Variants in CADM4 observed in about 807,000 individuals in gnomAD.
CADM4 encodes TSLC1-like 2.
CADM4 carries 13 observed loss-of-function variants against 43.9 expected under a neutral mutation model. The observed-to-expected ratio is 0.30, with a 90% confidence interval of 0.19 to 0.47. CADM4 has a LOEUF of 0.47. Ranked by LOEUF, CADM4 falls within the 20% of genes least tolerant of loss-of-function variation. The pLI is 1.00. For synonymous variants in CADM4, 209 were observed against 220.9 expected (o/e 0.95, Z 0.48); for missense variants, 420 against 527.0 (o/e 0.80, Z 1.99).
At position 43,625,053 on chromosome 19, in the gene CADM4, T is replaced by G; in HGVS notation, c.928+25A>C. On this transcript the variant is annotated intron_variant, in intron 7 of 8. Transcript: ENST00000222374. The surrounding 1 kb of genome is among the most constrained non-coding windows in gnomAD (Gnocchi z 4.5). The stretch of plus-strand genomic sequence containing the variant: ...GCCACCTGGCGCCCCGCCCCCGCCC[T>G]CAGTCGGCCGCAGCCTGCTCTCACC... 6 of 412,436 alleles carry G rather than the reference T, an allele frequency of 1.5e-5. No homozygotes were observed. Among genetic ancestry groups the G allele is most frequent in the Non-Finnish European group, 1.9e-5 (6 of 316,690 alleles). 25.5% of individuals were successfully genotyped at this position (412,436 alleles called of 1,614,324 possible).
At chr19:43,639,914 G>C, upstream of CADM4, 1 of 753,988 alleles carries the variant, frequency 1.3e-6, no homozygotes, top group Non-Finnish European at 1.6e-6. Context: ...AGGCCGGGGC[G>C]GGGCCGGGGA....
chr19:43,631,810 TGA>T (rs1405723271), intron 1 of CADM4, among the ~76,000 whole-genome samples: 5 of 152,204 alleles, frequency 3.3e-5, no homozygotes, highest in Non-Finnish European at 5.9e-5. Context: ...GGAAGGTGCC[TGA>T]GTCTCTGGTG....
intron 1 of CADM4, among the ~76,000 whole-genome samples, chr19:43,630,307 A>T (rs1330660617): frequency 5.2e-5 from 3 of 57,558 alleles, no homozygotes; most frequent in African/African-American, 8.4e-5. Context: ...TTTTTTTGAG[A>T]CATTGTCTTG....
At chr19:43,634,939 C>T (rs1973680081) in intron 1 of CADM4, among the ~76,000 whole-genome samples, 1 of 151,988 alleles carries the variant, frequency 6.6e-6, no homozygotes, top group South Asian at 2.1e-4. Flanking sequence ...GAAATCCAGA[C>T]CCCTAGCCCC....
chr19:43,626,784 C>A lies in CADM4; in HGVS notation c.499G>T (p.Gly167Ter). 6.3e-7 allele frequency: 1 copy of A among 1,582,200 alleles called. No individual in the cohort carries two copies. ...RWYRDRKELK[G>*]VSSSQENGKV... ...CTTGTCAGCACTCGGCCCAGGGTAC[C>A]TTTCAGCTCCTTGCGGTCCCGGTAC... Residue 167 changes from glycine (G) to a stop codon, truncating the protein, a stop_gained and splice_region_variant, in exon 4 of 9, where the codon GGA becomes TGA. Coordinates refer to ENST00000222374, the MANE Select transcript of CADM4 (RefSeq NM_145296.2). LOFTEE classifies it high-confidence loss of function. The surrounding 1 kb of genome is among the most constrained non-coding windows in gnomAD (Gnocchi z 5.9).
chr19:43,641,508 T>A (rs1004172646), upstream of CADM4, among the ~76,000 whole-genome samples: 57 of 152,130 alleles, frequency 3.7e-4, no homozygotes, highest in African/African-American at 1.4e-3. Flanking sequence ...GCATCCTCTC[T>A]GTCCTTCAGG....
rs533880000 is a variant in CADM4 at position 43,626,936 on chromosome 19, G to A, written c.365-18C>T. 3.2e-6 allele frequency: 5 copies of A among 1,575,368 alleles called. No individual in the cohort carries two copies. In the South Asian group the frequency reaches 4.5e-5, roughly 14 times the overall value. ...TGGGGCCACTGCCGCAGGGAGAAGG[G>A]AAGTAAGGGGTTAAAGAAGGCACGA... On this transcript the variant is annotated intron_variant, in intron 3 of 8. Transcript: ENST00000222374. The surrounding 1 kb of genome is among the most constrained non-coding windows in gnomAD (Gnocchi z 5.9).
intron 1 of CADM4, among the ~76,000 whole-genome samples, chr19:43,636,973 CT>C (rs980762215): frequency 1.3e-5 from 2 of 152,152 alleles, no homozygotes; most frequent in African/African-American, 4.8e-5. Flanking sequence ...CCCTCAACTC[CT>C]AATAGCCTCT....
At chr19:43,637,946 G>A (rs186871995) in intron 1 of CADM4, among the ~76,000 whole-genome samples, 15 of 152,096 alleles carry the variant, frequency 9.9e-5, no homozygotes, top group Non-Finnish European at 1.5e-4. Context: ...GTACCATCAG[G>A]TTCTTTATTT....
chr19:43,641,577 C>T (rs1401096495), upstream of CADM4, among the ~76,000 whole-genome samples: 1 of 152,174 alleles, frequency 6.6e-6, no homozygotes, highest in Non-Finnish European at 1.5e-5. Flanking sequence ...CCTCTCTGTC[C>T]TCAGGGTCCA....
chr19:43,624,476 T>C (rs1039349419), intron 7 of CADM4, among the ~76,000 whole-genome samples: 1 of 152,216 alleles, frequency 6.6e-6, no homozygotes, highest in Non-Finnish European at 1.5e-5. Flanking sequence ...CTTTTTCTTG[T>C]TTTCTTTTGC....
rs796292155 is a variant in CADM4 at position 43,625,431 on chromosome 19, G to A, written c.756-181C>T. Among the ~76,000 whole-genome samples the A allele has an allele frequency of 3.3e-5, 5 of 152,270 alleles. No homozygotes were observed. Among genetic ancestry groups the A allele is most frequent in the South Asian group, 2.1e-4 (1 of 4,822 alleles). Reference sequence around the variant, plus strand: ...TGGGCCTACTTCCACCCATCACCAAGGTCTCAGGAATTCTAGCCCAGGCTG... The same window carrying A: ...TGGGCCTACTTCCACCCATCACCAAAGTCTCAGGAATTCTAGCCCAGGCTG... On this transcript the variant is annotated intron_variant, in intron 6 of 8. Coordinates refer to ENST00000222374, the MANE Select transcript of CADM4 (RefSeq NM_145296.2). The surrounding 1 kb of genome is among the most constrained non-coding windows in gnomAD (Gnocchi z 4.5).
In CADM4 at chr19:43,626,022, G is replaced by A. The variant is rs368160546; in HGVS notation, c.665-21C>T. 22 of 1,613,932 alleles carry A rather than the reference G, an allele frequency of 1.4e-5. No homozygotes were observed. The highest frequency in any genetic ancestry group is 1.8e-5 in the Non-Finnish European group (21 of 1,179,936). On this transcript the variant is annotated intron_variant, in intron 5 of 8. Coordinates refer to ENST00000222374, the MANE Select transcript of CADM4 (RefSeq NM_145296.2). The surrounding 1 kb of genome is among the most constrained non-coding windows in gnomAD (Gnocchi z 5.9). The stretch of plus-strand genomic sequence containing the variant: ...GGAGTCTGTTAGGCAAAAGTAAGAG[G>A]AGAGAGTAGTTTCCAAGCCATCACG...
At chr19:43,633,658 C>CTT (rs1361731217) in intron 1 of CADM4, among the ~76,000 whole-genome samples, 23 of 100,888 alleles carry the variant, frequency 2.3e-4, no homozygotes, top group African/African-American at 7.6e-4. Context: ...TTCTCTCTTT[C>CTT]TCTCTCTCTT....
chr19:43,624,235 A>C lies in CADM4; in HGVS notation c.936T>G (p.Gly312=). The change falls in exon 8 of 9, where the codon GGT becomes GGG. Residue 312 remains glycine (G), a synonymous_variant. Transcript: ENST00000222374. ...ALYVLVVYDP[G]AVVEAQTSVP... ...CCGACGTCTGAGCCTCTACCACCGC[A>C]CCAGGGTCTGCCAGAGGGACACGGC... 6.2e-7 allele frequency: 1 copy of C among 1,614,106 alleles called. No individual in the cohort carries two copies. The highest frequency in any genetic ancestry group is 8.5e-7 in the Non-Finnish European group (1 of 1,180,026).
In CADM4 at chr19:43,627,628, G is replaced by T. The variant is rs1973551172; in HGVS notation, c.211+16C>A. ...CTCTTCCTTTAAGACTCCTGAGTCT[G>T]GTCCCCAGCACTCACCACGGGTGCC... is the stretch of plus-strand genomic sequence containing the variant. On this transcript the variant is annotated intron_variant, in intron 2 of 8. Coordinates refer to ENST00000222374, the MANE Select transcript of CADM4 (RefSeq NM_145296.2). The surrounding 1 kb of genome is among the most constrained non-coding windows in gnomAD (Gnocchi z 4.0). 6.2e-7 allele frequency: 1 copy of T among 1,607,814 alleles called. No individual in the cohort carries two copies. Among genetic ancestry groups the T allele is most frequent in the East Asian group, 2.2e-5 (1 of 44,688 alleles).
chr19:43,628,451 A>G (rs1219016869), intron 1 of CADM4, among the ~76,000 whole-genome samples: 2 of 149,972 alleles, frequency 1.3e-5, no homozygotes, highest in East Asian at 3.9e-4. Flanking sequence ...AAAAAGAAAG[A>G]AAAAAAAGAG....
chr19:43,626,035 C>G lies in CADM4; in HGVS notation c.665-34G>C, dbSNP rs762539603. On this transcript the variant is annotated intron_variant, in intron 5 of 8. Transcript: ENST00000222374. This position sits in a 1 kb window ranked among gnomAD's most constrained non-coding sequence, Gnocchi z 5.9. ...CAAAAGTAAGAGGAGAGAGTAGTTT[C>G]CAAGCCATCACGCAGGACAAGGGGG... The G allele has an allele frequency of 1.9e-6, 3 of 1,613,850 alleles. No homozygotes were observed. The South Asian group carries it at 3.3e-5, about 18-fold the overall frequency.
upstream of CADM4, among the ~76,000 whole-genome samples, chr19:43,640,424 C>T (rs564290763): frequency 4.4e-4 from 66 of 151,284 alleles, no homozygotes; most frequent in Middle Eastern, 0.017. Context: ...GCTGGAGGTC[C>T]GGAGGGTCCG....
Sources: gnomAD v4.1 joint callset for allele counts (sites outside exome capture counted in the v4.1 genomes callset) on GRCh38, gnomAD v4.1.1 for gene constraint, Gnocchi (gnomAD v3.1) non-coding constraint, MANE v1.5 for transcripts, NCBI Gene and HGNC (gene_info 2026-07-23, HGNC 2026-07-21) for gene names.